RORA: variants seen among roughly 807,000 people sequenced by gnomAD.
The protein encoded by RORA is RAR related orphan receptor A, also known as nuclear receptor ROR-alpha.
Under a neutral mutation model 69.5 loss-of-function variants are expected in RORA, and 7 were observed. That is an observed-to-expected ratio of 0.10 (90% CI 0.06 to 0.19). RORA has a LOEUF of 0.19. Among genes scored for constraint, RORA ranks in the 10% least tolerant of loss-of-function variants. RORA has a pLI of 1.00. For missense variants in RORA, 457 were observed against 663.0 expected (o/e 0.69, Z 3.41); for synonymous variants, 261 against 240.8 (o/e 1.08, Z -0.78).
intron 8 of RORA, among the ~76,000 whole-genome samples, chr15:60,502,551 ACT>A (rs2065363447): frequency 6.6e-6 from 1 of 152,050 alleles, no homozygotes; most frequent in Non-Finnish European, 1.5e-5. Context: ...ATAAAATGAA[ACT>A]CTACATCTTT....
chr15:60,750,047 T>C (rs2071702477), intron 1 of RORA, among the ~76,000 whole-genome samples: 1 of 152,208 alleles, frequency 6.6e-6, no homozygotes, highest in Non-Finnish European at 1.5e-5. Flanking sequence ...ATATAGCTAA[T>C]ATTAATCAAA....
intron 1 of RORA, among the ~76,000 whole-genome samples, chr15:60,998,753 T>C (rs753412663): frequency 3.9e-5 from 6 of 152,238 alleles, no homozygotes; most frequent in East Asian, 1.9e-4. Flanking sequence ...TGTGATATTC[T>C]TGACAGGTCC....
rs530874369 is a variant in RORA, at chr15:61,069,646, T to G, written c.166+159407A>C. 8.6e-5 allele frequency among the ~76,000 whole-genome samples: 13 copies of G among 151,678 alleles called. No homozygotes were observed. In the South Asian group the frequency reaches 2.1e-3, roughly 24 times the overall value. ...AGTTCATAACATTGATTAATCCACA[T>G]TGTGAAAAAGTCCCCAAGCAAAACT... On this transcript the variant is annotated intron_variant, in intron 1 of 10. Coordinates refer to ENST00000335670, the MANE Select transcript of RORA (RefSeq NM_134261.3).
At chr15:60,963,791 G>A (rs1893477977) in intron 1 of RORA, among the ~76,000 whole-genome samples, 1 of 152,204 alleles carries the variant, frequency 6.6e-6, no homozygotes, top group Non-Finnish European at 1.5e-5. Context: ...TTCAGCCCTG[G>A]CTAACATGAA....
chr15:60,799,739 T>C (rs1260282560), intron 1 of RORA, among the ~76,000 whole-genome samples: 1 of 152,114 alleles, frequency 6.6e-6, no homozygotes, highest in Non-Finnish European at 1.5e-5. Context: ...TGCAATCTGA[T>C]GTTCTTCTAA....
At chr15:60,875,050 A>G (rs1316946816) in intron 1 of RORA, among the ~76,000 whole-genome samples, 1 of 152,088 alleles carries the variant, frequency 6.6e-6, no homozygotes, top group Admixed American at 6.6e-5. Context: ...CAACAAAAAC[A>G]CTGAGACTCA....
At chr15:60,508,513 GT>G (rs905947940) in intron 5 of RORA, among the ~76,000 whole-genome samples, 5 of 152,164 alleles carry the variant, frequency 3.3e-5, no homozygotes, top group African/African-American at 1.2e-4. Flanking sequence ...GAATATGTAT[GT>G]TTTCTCACTT....
At chr15:60,899,263 A>G (rs1384743498) in intron 1 of RORA, among the ~76,000 whole-genome samples, 1 of 152,180 alleles carries the variant, frequency 6.6e-6, no homozygotes, top group African/African-American at 2.4e-5. Flanking sequence ...AACACCCTCA[A>G]TATGAAGAGC....
chr15:60,741,796 T>C (rs1461810529), intron 1 of RORA, among the ~76,000 whole-genome samples: 4 of 152,124 alleles, frequency 2.6e-5, no homozygotes, highest in Non-Finnish European at 5.9e-5. Flanking sequence ...ATCTCTTCAT[T>C]ATTCAAGTGG....
At chr15:61,227,225 A>AG (rs2140953455) in intron 1 of RORA, among the ~76,000 whole-genome samples, 1 of 150,694 alleles carries the variant, frequency 6.6e-6, no homozygotes, top group African/African-American at 2.4e-5. Flanking sequence ...AAAAAAAAAA[A>AG]GCCCCAGAAA....
intron 1 of RORA, among the ~76,000 whole-genome samples, chr15:61,225,597 T>C (rs1396651989): frequency 6.6e-6 from 1 of 152,206 alleles, no homozygotes; most frequent in Non-Finnish European, 1.5e-5. Context: ...GGTTTCGATT[T>C]TTCCCTTAGG....
At chr15:60,598,833 G>C (rs2068754870) in intron 2 of RORA, among the ~76,000 whole-genome samples, 1 of 152,168 alleles carries the variant, frequency 6.6e-6, no homozygotes, top group African/African-American at 2.4e-5. Flanking sequence ...ATTGTCCATT[G>C]GCCTAAGAGG....
chr15:60,999,428 G>C (rs1013824018), intron 1 of RORA, among the ~76,000 whole-genome samples: 5 of 152,158 alleles, frequency 3.3e-5, no homozygotes, highest in Non-Finnish European at 7.4e-5. Flanking sequence ...TCTGACTCCT[G>C]CTAGCTTATA....
rs113264999 is a variant in RORA, at chr15:60,966,018, G to A, written c.166+263035C>T. Among the ~76,000 whole-genome samples, 459 of 152,310 alleles carry A rather than the reference G, an allele frequency of 3.0e-3. 5 individuals are homozygous for A. The highest frequency in any genetic ancestry group is 5.5e-3 in the Non-Finnish European group (371 of 68,030). ...GTGGTTAACATGACAGAGATTTACTGCCTCACAAGGCTACAAGTCTGATAT... is the reference window on the plus strand; with the variant it reads ...GTGGTTAACATGACAGAGATTTACTACCTCACAAGGCTACAAGTCTGATAT... On this transcript the variant is annotated intron_variant, in intron 1 of 10. Transcript: ENST00000335670.
chr15:60,820,421 G>A (rs994038748), intron 1 of RORA, among the ~76,000 whole-genome samples: 2 of 152,090 alleles, frequency 1.3e-5, no homozygotes, highest in Non-Finnish European at 2.9e-5. Flanking sequence ...GGGTGTTGGA[G>A]GTCTTGAAGA....
intron 1 of RORA, among the ~76,000 whole-genome samples, chr15:60,909,763 G>C (rs1217493631): frequency 6.6e-6 from 1 of 152,240 alleles, no homozygotes; most frequent in East Asian, 1.9e-4. Context: ...TTGTTCCATA[G>C]AGCCTCTGGA....
intron 1 of RORA, among the ~76,000 whole-genome samples, chr15:61,153,770 A>ATGGGCTCCCC (rs139787063): frequency 6.6e-6 from 1 of 152,052 alleles, no homozygotes; most frequent in Non-Finnish European, 1.5e-5. Context: ...GGTTTCATGC[A>ATGGGCTCCCC]CAATTGCTAA....
At chr15:60,844,092 C>T (rs1396336201) in intron 1 of RORA, among the ~76,000 whole-genome samples, 4 of 152,164 alleles carry the variant, frequency 2.6e-5, no homozygotes, top group Non-Finnish European at 5.9e-5. Context: ...ATGCCTGCTC[C>T]TTTTCATAGC....
At chr15:61,104,084 C>T (rs973183660) in intron 1 of RORA, among the ~76,000 whole-genome samples, 2 of 152,212 alleles carry the variant, frequency 1.3e-5, no homozygotes, top group African/African-American at 4.8e-5. Flanking sequence ...GGAAAAGCCA[C>T]ATGATGCATG....
Sources: allele counts gnomAD v4.1 joint callset (sites outside exome capture counted in the v4.1 genomes callset), GRCh38; gene constraint gnomAD v4.1.1; transcripts MANE v1.5; gene names NCBI Gene and HGNC (gene_info 2026-07-23, HGNC 2026-07-21).